The following BOP1 variants were observed in gnomAD, a reference collection of about 807,000 sequenced individuals.
BOP1 encodes ribosome biogenesis protein BOP1.
BOP1 carries 54 observed loss-of-function variants against 82.9 expected under a neutral mutation model. The ratio of observed to expected loss-of-function variants is 0.65; its 90% CI spans 0.52 to 0.82. BOP1 has a LOEUF of 0.82. Ranked by LOEUF, BOP1 falls within the 40% of genes least tolerant of loss-of-function variation. The pLI, the probability that BOP1 is intolerant of heterozygous loss-of-function variation, is 0.00. For missense variants in BOP1, 1,170 were observed against 1,072.0 expected, an observed-to-expected ratio of 1.09 and a Z score of -1.28; for synonymous variants, 566 against 451.1, an observed-to-expected ratio of 1.25 and a Z score of -3.23.
intron 3 of BOP1, among the ~76,000 whole-genome samples, chr8:144,270,238 G>A (rs1207402066): frequency 6.6e-6 from 1 of 152,226 alleles, no homozygotes; most frequent in Non-Finnish European, 1.5e-5. Flanking sequence ...GGCCAGACAG[G>A]AGCAGGTGGG....
chr8:144,264,690 C>G, intron 5 of BOP1, 24 bp downstream of exon 5: 1 of 1,565,642 alleles, frequency 6.4e-7, no homozygotes, highest in South Asian at 1.2e-5. Flanking sequence ...CCCCGCCGCC[C>G]AGGGGCCAGC....
intron 2 of BOP1, among the ~76,000 whole-genome samples, chr8:144,280,657 A>C (rs7816361): frequency 0.52 from 78,847 of 152,048 alleles, 20,908 homozygotes; most frequent in South Asian, 0.6. Context: ...GTTCGAGACC[A>C]GACTGGCCTA....
At chr8:144,268,279 G>T in intron 3 of BOP1, 6 of 1,285,816 alleles carry the variant, frequency 4.7e-6, no homozygotes, top group Non-Finnish European at 6.5e-6. Flanking sequence ...CCCTGGCTGC[G>T]AGCGGGGCCG....
At chr8:144,263,188 G>T in intron 12 of BOP1, 33 bp downstream of exon 12, 2 of 1,592,278 alleles carry the variant, frequency 1.3e-6, no homozygotes, top group Non-Finnish European at 1.7e-6. Context: ...GGCCCCTCCC[G>T]CTGCAGCCTC....
In BOP1 at chr8:144,262,206, G is replaced by C. The variant is rs1845203670; in HGVS notation, c.2199C>G (p.Val733=). 3 of 1,612,778 alleles carry C rather than the reference G, an allele frequency of 1.9e-6. No homozygotes were observed. ...DVIFHPTQPW[V]FSSGADGTVR... ...CAGTCCCGTCTGCCCCCGAGGAGAA[G>C]ACCCACGGCTGGGTGGGGTGGAAGA... Residue 733 remains valine (V), a synonymous_variant, in exon 16 of 16, where the codon GTC becomes GTG. Coordinates refer to ENST00000569669, the MANE Select transcript of BOP1 (RefSeq NM_015201.5).
intron 6 of BOP1, 27 bp downstream of exon 6, chr8:144,264,487 GC>G (rs2130199355): frequency 6.2e-7 from 1 of 1,608,464 alleles, no homozygotes; most frequent in East Asian, 2.2e-5. Context: ...GTCAGCCCAG[GC>G]CAAGCCCCAG....
intron 3 of BOP1, 163 bp from the exon 4 acceptor site, chr8:144,265,234 G>A: frequency 1.2e-6 from 1 of 813,648 alleles, no homozygotes; most frequent in South Asian, 1.8e-5. Context: ...CAGCCCTGGG[G>A]TCTGACGTGG....
At position 144,262,595 on chromosome 8, in the gene BOP1, T is replaced by C; in HGVS notation, c.1972A>G (p.Met658Val). The C allele has an allele frequency of 6.2e-7, 1 of 1,613,372 alleles. No individual in the cohort carries two copies. Among genetic ancestry groups the C allele is most frequent in the Non-Finnish European group, 8.5e-7 (1 of 1,179,790 alleles). ...ACCCCCAGCTTTCCTCACCTCAGCA[T>C]CCTGTATGGCTTGGTGGAAAGATCC... Reference protein sequence around the residue: ...DLDLSTKPYRMLRHHKKALRA... With the variant: ...DLDLSTKPYRVLRHHKKALRA... Residue 658 changes from methionine to valine, a missense_variant, in exon 14 of 16, where the codon ATG (methionine) becomes GTG (valine). Physicochemically the swap from Met to Val is conservative, Grantham distance 21. Coordinates refer to ENST00000569669, the MANE Select transcript of BOP1 (RefSeq NM_015201.5).
At chr8:144,275,596 A>G (rs1239868063) in intron 3 of BOP1, among the ~76,000 whole-genome samples, 1 of 152,128 alleles carries the variant, frequency 6.6e-6, no homozygotes, top group African/African-American at 2.4e-5. Context: ...CTTATGAGAA[A>G]CAGCCGACCT....
At chr8:144,279,469 C>T (rs782169299) in intron 2 of BOP1, among the ~76,000 whole-genome samples, 17 of 152,302 alleles carry the variant, frequency 1.1e-4, no homozygotes, top group African/African-American at 3.9e-4. Context: ...CACTGTGACT[C>T]GGTGCCCCAC....
Position 144,264,015 on chromosome 8 carries a change from T to C in BOP1, c.1106A>G (p.Asp369Gly). The change falls in exon 8 of 16, where the codon GAC becomes GGC. Residue 369 changes from aspartate (D) to glycine (G), a missense_variant. By Grantham distance (94) the Asp-to-Gly change is moderately conservative (BLOSUM62 -1). Transcript: ENST00000569669. ...GCGCTGCCGTGGGCACAGGTACAGG[T>C]CAAGGCAGCGCTCGAAGCGTTCCTG... is the stretch of plus-strand genomic sequence containing the variant. ...FIQERFERCL[D>G]LYLCPRQRKM... 6.2e-7 allele frequency: 1 copy of C among 1,608,824 alleles called. No homozygotes were observed. Among genetic ancestry groups the C allele is most frequent in the South Asian group, 1.1e-5 (1 of 91,044 alleles).
chr8:144,265,000 C>T lies in BOP1; in HGVS notation c.462G>A (p.Leu154=). 6.2e-7 allele frequency: 1 copy of T among 1,612,412 alleles called. No homozygotes were observed. Among genetic ancestry groups the T allele is most frequent in the Non-Finnish European group, 8.5e-7 (1 of 1,179,752 alleles). Residue 154 remains leucine, a synonymous_variant, in exon 4 of 16, where the codon CTG becomes CTA. Transcript: ENST00000569669. The stretch of plus-strand genomic sequence containing the variant: ...GGGGCTTGTAGATGCGCCTGCCATC[C>T]AGGTCGTAGCCCACGTGGGGGAAGT... The part of the protein sequence containing the change: ...YDDFPHVGYD[L]DGRRIYKPLR...
chr8:144,281,196 T>A (rs1479998309), intron 2 of BOP1, among the ~76,000 whole-genome samples: 1,537 of 21,118 alleles, frequency 0.073, 676 homozygotes, highest in Middle Eastern at 0.29. Flanking sequence ...ACCAGGTCTT[T>A]GGCCTTCTCT....
At chr8:144,285,966 C>T (rs1299693534) in intron 2 of BOP1, among the ~76,000 whole-genome samples, 1 of 152,244 alleles carries the variant, frequency 6.6e-6, no homozygotes, top group Non-Finnish European at 1.5e-5. Flanking sequence ...TGGGAGGCCT[C>T]ACGTGGCCAC....
chr8:144,270,399 G>A (rs1554837647), intron 3 of BOP1, among the ~76,000 whole-genome samples: 2 of 152,142 alleles, frequency 1.3e-5, no homozygotes, highest in East Asian at 1.9e-4. Flanking sequence ...TGGAGGCCTC[G>A]GAGCTGAAAG....
chr8:144,277,809 AGGGGCGGTGCG>A (rs1564600303), intron 2 of BOP1, among the ~76,000 whole-genome samples: 6 of 152,226 alleles, frequency 3.9e-5, no homozygotes, highest in African/African-American at 1.2e-4. Flanking sequence ...CGGTGCGGGC[AGGGGCGGTGCG>A]GGCAGGGGCG....
At chr8:144,287,035 A>G (rs1431673251) in intron 2 of BOP1, among the ~76,000 whole-genome samples, 1 of 152,256 alleles carries the variant, frequency 6.6e-6, no homozygotes, top group Non-Finnish European at 1.5e-5. Context: ...TTTGAGGCAG[A>G]GCCTCACTCT....
At chr8:144,263,939 T>C in intron 8 of BOP1, 28 bp from the exon 9 acceptor site, 2 of 1,611,318 alleles carry the variant, frequency 1.2e-6, no homozygotes, top group Non-Finnish European at 1.7e-6. Context: ...CAGGTCAGCC[T>C]TGCCCCCTGT....
At chr8:144,266,754 C>T in intron 3 of BOP1, 3 of 1,074,422 alleles carry the variant, frequency 2.8e-6, no homozygotes, top group Non-Finnish European at 3.4e-6. Flanking sequence ...CGGCGCGCTG[C>T]GGCCTCCAGG....
Sources: gnomAD v4.1 joint callset for allele counts (sites outside exome capture counted in the v4.1 genomes callset) on GRCh38, gnomAD v4.1.1 for gene constraint, MANE v1.5 for transcripts, NCBI Gene and HGNC (gene_info 2026-07-23, HGNC 2026-07-21) for gene names.